SLAMF9: variants seen among roughly 807,000 people sequenced by gnomAD.
The protein encoded by SLAMF9 is CD2 family member 10.
A neutral mutation model predicts 30.4 loss-of-function variants in SLAMF9; 25 were observed. The observed-to-expected ratio is 0.82, with a 90% CI of 0.60 to 1.15. The LOEUF (loss-of-function observed/expected upper bound fraction) is 1.15, where lower values mean the gene tolerates loss of function less well. SLAMF9 is among the 50% of genes most tolerant of loss of function. The pLI is 0.00. For missense variants in SLAMF9, 344 were observed against 346.1 expected, an observed-to-expected ratio of 0.99 and a Z score of 0.05; for synonymous variants, 129 against 127.2, an observed-to-expected ratio of 1.01 and a Z score of -0.09.
upstream of SLAMF9, among the ~76,000 whole-genome samples, chr1:159,957,568 C>G (rs34401812): frequency 0.024 from 3,606 of 151,724 alleles, 63 homozygotes; most frequent in South Asian, 0.063. Flanking sequence ...AGGTTGCAGT[C>G]AGCCGAGATC....
upstream of SLAMF9, among the ~76,000 whole-genome samples, chr1:159,957,015 G>A (rs534803341): frequency 1.6e-4 from 24 of 151,012 alleles, no homozygotes; most frequent in East Asian, 2.0e-3. Flanking sequence ...TCAGCTACTC[G>A]GGAGGCTGAG....
the SLAMF9 span, chr1:159,972,681 T>C: frequency 4.2e-3 from 806 of 191,190 alleles, 5 homozygotes; most frequent in African/African-American, 0.018. Context: ...GGGAGCCGAG[T>C]GATCCCCAGG....
the SLAMF9 span, among the ~76,000 whole-genome samples, chr1:159,964,310 AG>A: frequency 5.3e-5 from 8 of 152,244 alleles, no homozygotes; most frequent in African/African-American, 1.9e-4. Flanking sequence ...CCCTAAGTAA[AG>A]CCATGAAACA....
the SLAMF9 span, among the ~76,000 whole-genome samples, chr1:159,963,648 TA>T: frequency 2.6e-5 from 4 of 152,332 alleles, no homozygotes; most frequent in Middle Eastern, 3.4e-3. Flanking sequence ...CCTTCTTTCC[TA>T]AAATGGACTC....
At chr1:159,967,048 A>T in the SLAMF9 span, among the ~76,000 whole-genome samples, 9 of 152,166 alleles carry the variant, frequency 5.9e-5, no homozygotes, top group Non-Finnish European at 1.0e-4. Flanking sequence ...AATCCAAAAA[A>T]TTCTTGTCCA....
At chr1:159,956,156 A>G (rs923223161), upstream of SLAMF9, among the ~76,000 whole-genome samples, 1 of 152,216 alleles carries the variant, frequency 6.6e-6, no homozygotes, top group East Asian at 1.9e-4. Context: ...ACACAATGGA[A>G]TACTATCCAT....
the SLAMF9 span, among the ~76,000 whole-genome samples, chr1:159,966,608 G>C: frequency 6.6e-6 from 1 of 151,948 alleles, no homozygotes; most frequent in Non-Finnish European, 1.5e-5. Flanking sequence ...CCTTTTTTCT[G>C]TGTCTTCATC....
At chr1:159,978,357 G>C in the SLAMF9 span, among the ~76,000 whole-genome samples, 1 of 152,098 alleles carries the variant, frequency 6.6e-6, no homozygotes, top group Non-Finnish European at 1.5e-5. Flanking sequence ...CTTTAGACAG[G>C]ACTCCAGATC....
At chr1:159,953,747 T>C (rs1333431353) in intron 1 of SLAMF9, 94 bp from the exon 2 acceptor site, 2 of 1,133,716 alleles carry the variant, frequency 1.8e-6, no homozygotes, top group Non-Finnish European at 1.2e-6. Context: ...TAATCTCAGC[T>C]GGGCAGCTTC....
the SLAMF9 span, chr1:159,973,780 C>T: frequency 3.1e-6 from 5 of 1,613,022 alleles, no homozygotes; most frequent in Non-Finnish European, 4.2e-6. Flanking sequence ...CCCACAAACT[C>T]CCAAGCTGGT....
the SLAMF9 span, among the ~76,000 whole-genome samples, chr1:159,964,032 C>A: frequency 6.6e-6 from 1 of 152,128 alleles, no homozygotes; most frequent in Non-Finnish European, 1.5e-5. Context: ...TACACTCCAG[C>A]CTAGGTGACA....
chr1:159,973,487 G>C, the SLAMF9 span, among the ~76,000 whole-genome samples: 3 of 152,196 alleles, frequency 2.0e-5, no homozygotes, highest in Non-Finnish European at 1.5e-5. Flanking sequence ...AATCTTGGAA[G>C]TCAGAGGCAG....
At position 159,952,265 on chromosome 1, in the gene SLAMF9, C is replaced by G; in HGVS notation, c.661G>C (p.Ala221Pro). 1 of 1,613,404 alleles carries G rather than the reference C, an allele frequency of 6.2e-7. No homozygotes were observed. The highest frequency in any genetic ancestry group is 1.1e-5 in the South Asian group (1 of 91,026). Residue 221 changes from alanine to proline, a missense_variant, in exon 3 of 4, where the codon GCA becomes CCA. By Grantham distance (27) the Ala-to-Pro change is conservative (BLOSUM62 -1). Transcript: ENST00000368093. ...SCPIPDGPFY[A>P]DPNYASEKPS... ...GGTGTCTCAGGGGTTCTGGTACCTG[C>G]ATAGAAGGGCCCATCAGGGATGGGG...
chr1:159,964,634 G>A, the SLAMF9 span, among the ~76,000 whole-genome samples: 3 of 152,168 alleles, frequency 2.0e-5, no homozygotes, highest in Non-Finnish European at 2.9e-5. Flanking sequence ...AAAACCAGAG[G>A]TTCGGAGTGG....
At chr1:159,969,157 A>T in the SLAMF9 span, among the ~76,000 whole-genome samples, 1 of 152,148 alleles carries the variant, frequency 6.6e-6, no homozygotes, top group Admixed American at 6.5e-5. Context: ...AACCACTCCA[A>T]CAACTCTCTG....
the SLAMF9 span, among the ~76,000 whole-genome samples, chr1:159,971,366 C>G: frequency 6.6e-6 from 1 of 152,134 alleles, no homozygotes; most frequent in Non-Finnish European, 1.5e-5. Context: ...TTAGAACAAG[C>G]CAACAAGAAG....
chr1:159,978,509 AG>A, the SLAMF9 span: 1 of 152,268 alleles, frequency 6.6e-6, no homozygotes, highest in Non-Finnish European at 1.5e-5. Flanking sequence ...GCAGCTAAGA[AG>A]GGAGACAGAT....
chr1:159,968,703 G>C, the SLAMF9 span, among the ~76,000 whole-genome samples: 3 of 152,170 alleles, frequency 2.0e-5, no homozygotes, highest in African/African-American at 7.2e-5. Flanking sequence ...AAGAAGCCTG[G>C]TAGCAGCACA....
rs747643397 is a variant in SLAMF9 at position 159,951,646 on chromosome 1, G to C, written c.*15C>G. 1 of 1,612,768 alleles carries C rather than the reference G, an allele frequency of 6.2e-7. No homozygotes were observed. The highest frequency in any genetic ancestry group is 8.5e-7 in the Non-Finnish European group (1 of 1,179,380). On this transcript the variant is annotated 3_prime_UTR_variant, in exon 4 of 4. Transcript: ENST00000368093. ...GGAAGAAACCAAGCTCAGGACTGGG[G>C]TTCCCAAGGAGCAGTCAGGCAGGGC...
Sources: allele counts gnomAD v4.1 joint callset (sites outside exome capture counted in the v4.1 genomes callset), GRCh38; gene constraint gnomAD v4.1.1; transcripts MANE v1.5; gene names NCBI Gene and HGNC (gene_info 2026-07-23, HGNC 2026-07-21).